The following RBFOX1 variants were observed in gnomAD, a reference collection of about 807,000 sequenced individuals.
RBFOX1 encodes the protein RNA binding fox-1 homolog 1, also known as RNA binding protein fox-1 homolog 1.
Under a neutral mutation model 57.7 loss-of-function variants are expected in RBFOX1, and 8 were observed. That is an observed-to-expected ratio of 0.14 (90% confidence interval 0.08 to 0.25). The LOEUF is 0.25. Ranked by LOEUF, RBFOX1 falls within the 10% of genes least tolerant of loss-of-function variation. RBFOX1 has a pLI of 1.00. For missense variants in RBFOX1, 611 were observed against 548.5 expected, an observed-to-expected ratio of 1.11 and a Z score of -1.14; for synonymous variants, 326 against 222.4, an observed-to-expected ratio of 1.47 and a Z score of -4.15.
chr16:7,615,424 A>G (rs2058282899), intron 10 of RBFOX1, among the ~76,000 whole-genome samples: 1 of 152,190 alleles, frequency 6.6e-6, no homozygotes, highest in Non-Finnish European at 1.5e-5. Context: ...AGAACTTTAC[A>G]TATATGTACG....
At chr16:7,069,312 C>T (rs138072466) in intron 4 of RBFOX1, among the ~76,000 whole-genome samples, 1 of 152,094 alleles carries the variant, frequency 6.6e-6, no homozygotes, top group African/African-American at 2.4e-5. Context: ...GGTATTAAGC[C>T]CTGCGTGCAT....
chr16:7,515,985 C>T (rs968024047), intron 4 of RBFOX1, among the ~76,000 whole-genome samples: 1 of 152,114 alleles, frequency 6.6e-6, no homozygotes, highest in African/African-American at 2.4e-5. Context: ...GCTAAGATTA[C>T]AGGCATGTGC....
intron 4 of RBFOX1, among the ~76,000 whole-genome samples, chr16:5,920,933 A>G (rs2058807066): frequency 1.1e-5 from 1 of 95,012 alleles, no homozygotes; most frequent in African/African-American, 3.3e-5. Context: ...GGATGTGAAC[A>G]TGTGCCGTGC....
intron 2 of RBFOX1, among the ~76,000 whole-genome samples, chr16:6,597,522 A>C (rs551802888): frequency 6.6e-5 from 10 of 152,072 alleles, no homozygotes. Flanking sequence ...AAATATAAAA[A>C]ATTAGCCAGG....
At chr16:6,470,621 C>A (rs912479970) in intron 2 of RBFOX1, among the ~76,000 whole-genome samples, 2 of 152,152 alleles carry the variant, frequency 1.3e-5, no homozygotes, top group African/African-American at 4.8e-5. Flanking sequence ...CTTTCTGGAG[C>A]TTCCATAGCC....
intron 3 of RBFOX1, among the ~76,000 whole-genome samples, chr16:5,804,923 A>C (rs545118831): frequency 6.6e-6 from 1 of 152,156 alleles, no homozygotes; most frequent in South Asian, 2.1e-4. Flanking sequence ...TTTTGCCACT[A>C]CCAGCATTTC....
At chr16:5,435,364 G>A (rs188908766) in intron 1 of RBFOX1, among the ~76,000 whole-genome samples, 1 of 152,266 alleles carries the variant, frequency 6.6e-6, no homozygotes, top group Admixed American at 6.5e-5. Context: ...TGTGTGTTGG[G>A]GGTGTCATCT....
chr16:6,134,651 G>A (rs2152685345), intron 1 of RBFOX1, among the ~76,000 whole-genome samples: 1 of 151,760 alleles, frequency 6.6e-6, no homozygotes, highest in East Asian at 2.0e-4. Context: ...TGCCCCCTGT[G>A]GCCCAGCAAT....
At chr16:5,820,457 C>A (rs914077557) in intron 3 of RBFOX1, among the ~76,000 whole-genome samples, 2 of 152,166 alleles carry the variant, frequency 1.3e-5, no homozygotes, top group South Asian at 4.1e-4. Context: ...CGGGATTGAT[C>A]AGCATTAGCA....
intron 4 of RBFOX1, among the ~76,000 whole-genome samples, chr16:7,470,782 A>T (rs954331957): frequency 6.6e-6 from 1 of 152,142 alleles, no homozygotes; most frequent in East Asian, 1.9e-4. Flanking sequence ...TATGCCATTG[A>T]TCTCACTGGG....
chr16:6,887,530 T>C (rs1397466029), intron 3 of RBFOX1, among the ~76,000 whole-genome samples: 1 of 151,970 alleles, frequency 6.6e-6, no homozygotes, highest in Non-Finnish European at 1.5e-5. Context: ...GATTTCCCTA[T>C]ATCTGTTTAT....
intron 7 of RBFOX1, among the ~76,000 whole-genome samples, chr16:7,588,582 C>T (rs1472498628): frequency 6.6e-6 from 1 of 152,198 alleles, no homozygotes; most frequent in Non-Finnish European, 1.5e-5. Flanking sequence ...CTTGCATCCT[C>T]AGACTATGAA....
intron 1 of RBFOX1, among the ~76,000 whole-genome samples, chr16:6,219,047 AT>A (rs1456387619): frequency 6.6e-6 from 1 of 152,234 alleles, no homozygotes; most frequent in Non-Finnish European, 1.5e-5. Flanking sequence ...GAACAGGTAC[AT>A]ATTTATCTTG....
chr16:7,291,935 A>G (rs930231386), intron 4 of RBFOX1, among the ~76,000 whole-genome samples: 3 of 100,990 alleles, frequency 3.0e-5, no homozygotes, highest in Non-Finnish European at 4.3e-5. Context: ...TGTATTTTAT[A>G]TATTATATAT....
intron 1 of RBFOX1, chr16:6,039,009 CAAAAAAAAAAAAA>C (rs754708262): frequency 6.3e-5 from 3 of 47,770 alleles, no homozygotes; most frequent in African/African-American, 2.5e-4. Context: ...TGCTGGTTTG[CAAAAAAAAAAAAA>C]AAAAAAAAAA....
chr16:5,421,698 G>T (rs1205755516), intron 1 of RBFOX1, among the ~76,000 whole-genome samples: 1 of 152,132 alleles, frequency 6.6e-6, no homozygotes, highest in Admixed American at 6.5e-5. Flanking sequence ...CATTTGAGTG[G>T]CAAAACAGAT....
intron 2 of RBFOX1, among the ~76,000 whole-genome samples, chr16:6,565,430 T>C (rs2097250431): frequency 6.6e-6 from 1 of 151,678 alleles, no homozygotes; most frequent in South Asian, 2.1e-4. Flanking sequence ...GCTAATTTTT[T>C]GTATTTTTAG....
chr16:6,147,549 G>A (rs1431621146), intron 1 of RBFOX1, among the ~76,000 whole-genome samples: 1 of 152,072 alleles, frequency 6.6e-6, no homozygotes, highest in Non-Finnish European at 1.5e-5. Context: ...CCCAATAGGA[G>A]CTACCTCAAA....
chr16:5,883,842 C>T (rs1023599829), intron 4 of RBFOX1, among the ~76,000 whole-genome samples: 1 of 152,116 alleles, frequency 6.6e-6, no homozygotes, highest in African/African-American at 2.4e-5. Context: ...TCCCAGTGAC[C>T]TAATGCTGTG....
Sources: gnomAD v4.1 joint callset for allele counts (sites outside exome capture counted in the v4.1 genomes callset) on GRCh38, gnomAD v4.1.1 for gene constraint, MANE v1.5 for transcripts, NCBI Gene and HGNC (gene_info 2026-07-23, HGNC 2026-07-21) for gene names.